Variants in TRPM1 observed in about 807,000 individuals in gnomAD.
TRPM1 encodes transient receptor potential cation channel subfamily M member 1, also known as TRPM1-203 APA Isoform, Intron 10.
TRPM1 carries 113 observed loss-of-function variants against 149.4 expected under a neutral mutation model. That is an observed-to-expected ratio of 0.76 (90% CI 0.65 to 0.88). The LOEUF (loss-of-function observed/expected upper bound fraction) is 0.88, where lower values mean the gene tolerates loss of function less well. TRPM1 is among the 40% of genes least tolerant of loss of function. TRPM1 has a pLI of 0.00. For synonymous variants in TRPM1, 741 were observed against 759.5 expected (o/e 0.98, Z 0.40); for missense variants, 1,976 against 2,038.7 (o/e 0.97, Z 0.59).
At chr15:31,037,880 T>G (rs1432512306) in intron 19 of TRPM1, 38 bp from the exon 20 acceptor site, 1 of 1,613,958 alleles carries the variant, frequency 6.2e-7, no homozygotes, top group East Asian at 2.2e-5. Flanking sequence ...GGCAGGTGGC[T>G]AAATGGGAAA....
intron 1 of TRPM1, among the ~76,000 whole-genome samples, chr15:31,083,062 C>A (rs1053491223): frequency 1.2e-4 from 18 of 152,164 alleles, no homozygotes; most frequent in Non-Finnish European, 2.5e-4. Context: ...GCTGCAAAGA[C>A]ACAGTGTGAC....
At chr15:31,096,391 A>G (rs1367386425) in intron 1 of TRPM1, among the ~76,000 whole-genome samples, 1 of 152,240 alleles carries the variant, frequency 6.6e-6, no homozygotes, top group African/African-American at 2.4e-5. Context: ...AGAGAAGCAG[A>G]ATCTTGTAGC....
intron 13 of TRPM1, among the ~76,000 whole-genome samples, chr15:31,048,265 G>GAATAAATA (rs952752134): frequency 6.6e-5 from 10 of 151,888 alleles, no homozygotes; most frequent in Admixed American, 3.9e-4. Context: ...GTCTAAGAAT[G>GAATAAATA]AATAAATAAA....
chr15:31,037,061 T>G (rs2033419465), intron 20 of TRPM1, among the ~76,000 whole-genome samples: 1 of 152,244 alleles, frequency 6.6e-6, no homozygotes, highest in Admixed American at 6.5e-5. Context: ...AGCCACAGTG[T>G]GCCTGGCCAC....
intron 1 of TRPM1, among the ~76,000 whole-genome samples, chr15:31,131,102 C>A (rs1321965842): frequency 1.3e-5 from 2 of 152,176 alleles, no homozygotes; most frequent in Non-Finnish European, 2.9e-5. Context: ...CAGAAACGGA[C>A]AATTCATAGG....
At chr15:31,113,409 G>A (rs890937284) in intron 1 of TRPM1, among the ~76,000 whole-genome samples, 3 of 148,036 alleles carry the variant, frequency 2.0e-5, no homozygotes, top group African/African-American at 7.5e-5. Context: ...TATGCATACA[G>A]AATTCAATAC....
Position 31,032,698 on chromosome 15 carries a change from AATC to A in TRPM1, c.2940_2942del (p.Met980del). 6.2e-7 allele frequency: 1 copy of A among 1,614,202 alleles called. No homozygotes were observed. Among genetic ancestry groups the A allele is most frequent in the South Asian group, 1.1e-5 (1 of 91,076 alleles). On this transcript the variant is annotated inframe_deletion, in exon 22 of 28. Transcript: ENST00000256552. ...GGATGCCACTACTAACCATCTTTCCAATCATCATCACGTATGGCCCCAGATACT... is the reference window on the plus strand; with the variant it reads ...GGATGCCACTACTAACCATCTTTCCAATCATCACGTATGGCCCCAGATACT...
At chr15:31,145,907 C>T (rs1185995423) in intron 1 of TRPM1, among the ~76,000 whole-genome samples, 1 of 149,740 alleles carries the variant, frequency 6.7e-6, no homozygotes, top group Non-Finnish European at 1.5e-5. Context: ...CTAATGCTAA[C>T]GATAGCAGAT....
chr15:31,112,632 C>T (rs933405221), intron 1 of TRPM1, among the ~76,000 whole-genome samples: 1 of 152,050 alleles, frequency 6.6e-6, no homozygotes, highest in Non-Finnish European at 1.5e-5. Flanking sequence ...GCGTGGTGTC[C>T]ACTTTGAGGG....
chr15:31,123,479 A>G (rs2035905852), intron 1 of TRPM1, among the ~76,000 whole-genome samples: 1 of 152,252 alleles, frequency 6.6e-6, no homozygotes, highest in Non-Finnish European at 1.5e-5. Flanking sequence ...AAAGCTCAAC[A>G]ATAAGAAAAC....
intron 1 of TRPM1, among the ~76,000 whole-genome samples, chr15:31,155,443 T>A (rs1169629699): frequency 1.3e-5 from 2 of 152,212 alleles, no homozygotes; most frequent in Non-Finnish European, 2.9e-5. Context: ...TATCACCTGT[T>A]TGTGCCTTAG....
intron 27 of TRPM1, among the ~76,000 whole-genome samples, chr15:31,007,410 C>G (rs1404244956): frequency 6.6e-6 from 1 of 152,078 alleles, no homozygotes; most frequent in Non-Finnish European, 1.5e-5. Flanking sequence ...TCACAGTAAG[C>G]CTTAAAACTG....
At chr15:31,007,208 A>G (rs902585312) in intron 27 of TRPM1, among the ~76,000 whole-genome samples, 1 of 152,148 alleles carries the variant, frequency 6.6e-6, no homozygotes, top group Non-Finnish European at 1.5e-5. Context: ...TTTTTTGCAT[A>G]AGAATGTCAA....
Position 31,026,244 on chromosome 15 carries a change from T to C in TRPM1, c.3524A>G (p.Lys1175Arg), listed in dbSNP as rs2032744130. The change falls in exon 27 of 28, where the codon AAG becomes AGG. Residue 1175 changes from lysine (K) to arginine (R), a missense_variant. Around this residue, in one of 3 missense-constraint regions of TRPM1, gnomAD observed 572 missense variants for 578.9 expected, o/e 0.99. Transcript: ENST00000256552. ...LKLFLSDEEL[K>R]RLHEFEEQCV... ...CTGCTCCTCGAACTCATGCAGCCTC[T>C]TTAGCTCCTCGTCGCTAAGGAAGAG... 3.7e-6 allele frequency: 6 copies of C among 1,611,944 alleles called. No homozygotes were observed. The African/African-American group carries it at 6.7e-5, about 18-fold the overall frequency.
chr15:31,060,471 AG>A (rs2034197231), intron 11 of TRPM1, 72 bp downstream of exon 11: 30 of 1,261,844 alleles, frequency 2.4e-5, no homozygotes, highest in Non-Finnish European at 3.1e-5. Flanking sequence ...CCATGTCACA[AG>A]GGAGAACATA....
chr15:31,007,249 A>G (rs1192651036), intron 27 of TRPM1, among the ~76,000 whole-genome samples: 1 of 152,174 alleles, frequency 6.6e-6, no homozygotes, highest in Non-Finnish European at 1.5e-5. Context: ...TGAAAAGATG[A>G]TCCATTCGTC....
At chr15:31,104,263 G>C (rs1249957051), upstream of TRPM1, among the ~76,000 whole-genome samples, 1 of 152,170 alleles carries the variant, frequency 6.6e-6, no homozygotes, top group African/African-American at 2.4e-5. Context: ...ACAGTGACCT[G>C]TATGCTCACC....
chr15:31,050,628 T>C (rs762074023), intron 11 of TRPM1, 46 bp from the exon 12 acceptor site: 1 of 1,609,932 alleles, frequency 6.2e-7, no homozygotes, highest in South Asian at 1.1e-5. Context: ...CTAAGGCTCT[T>C]TCTTGTCCCC....
At chr15:31,111,460 G>C (rs1269550863) in intron 1 of TRPM1, among the ~76,000 whole-genome samples, 1 of 152,166 alleles carries the variant, frequency 6.6e-6, no homozygotes, top group South Asian at 2.1e-4. Flanking sequence ...AAGTTGATTC[G>C]ACCTTTTCTT....
Sources: gnomAD v4.1 joint callset for allele counts (sites outside exome capture counted in the v4.1 genomes callset) on GRCh38, gnomAD v4.1.1 for gene constraint, gnomAD v4.1.1 regional missense constraint, MANE v1.5 for transcripts, NCBI Gene and HGNC (gene_info 2026-07-23, HGNC 2026-07-21) for gene names.